Variants in ASCC3 observed in about 807,000 individuals in gnomAD.
ASCC3 encodes the protein activating signal cointegrator 1 complex subunit 3.
ASCC3 carries 158 observed loss-of-function variants against 256.3 expected under a neutral mutation model. The ratio of observed to expected loss-of-function variants is 0.62; its 90% CI spans 0.54 to 0.70. ASCC3 has a LOEUF of 0.70. ASCC3 is among the 30% of genes least tolerant of loss of function. ASCC3 has a pLI of 0.00. For missense variants in ASCC3, 2,259 were observed against 2,626.0 expected (o/e 0.86, Z 3.05); for synonymous variants, 948 against 883.4 (o/e 1.07, Z -1.30).
intron 13 of ASCC3, among the ~76,000 whole-genome samples, chr6:100,686,082 A>C (rs1487579111): frequency 6.6e-6 from 1 of 152,210 alleles, no homozygotes; most frequent in African/African-American, 2.4e-5. Context: ...AATCAAACAC[A>C]CTAGCCCATC....
At chr6:100,642,434 T>C (rs1775170895) in intron 24 of ASCC3, 147 bp downstream of exon 24, 1 of 837,502 alleles carries the variant, frequency 1.2e-6, no homozygotes, top group Admixed American at 2.2e-5. Flanking sequence ...GATTAAATGA[T>C]GAATGACAAA....
chr6:100,586,739 C>T (rs1190485744), intron 36 of ASCC3, among the ~76,000 whole-genome samples: 3 of 152,086 alleles, frequency 2.0e-5, no homozygotes, highest in Admixed American at 2.0e-4. Flanking sequence ...CCTCCCCCTA[C>T]ATCAGATCCT....
At chr6:100,546,720 T>C (rs936229267) in intron 36 of ASCC3, among the ~76,000 whole-genome samples, 15 of 152,170 alleles carry the variant, frequency 9.9e-5, no homozygotes, top group Admixed American at 9.2e-4. Flanking sequence ...TAAAGCTGAA[T>C]TGCTGAAACT....
At chr6:100,690,064 T>C (rs906408191) in intron 13 of ASCC3, among the ~76,000 whole-genome samples, 3 of 152,118 alleles carry the variant, frequency 2.0e-5, no homozygotes, top group African/African-American at 7.2e-5. Context: ...CAGTCTTCCC[T>C]TGGTATCCAT....
chr6:100,742,776 C>G (rs1338473117), intron 10 of ASCC3, among the ~76,000 whole-genome samples: 1 of 152,214 alleles, frequency 6.6e-6, no homozygotes, highest in Admixed American at 6.5e-5. Context: ...CCCCATCCTC[C>G]TCACCCTAGA....
At chr6:100,758,061 C>A (rs1781265385) in intron 10 of ASCC3, among the ~76,000 whole-genome samples, 1 of 151,864 alleles carries the variant, frequency 6.6e-6, no homozygotes, top group African/African-American at 2.4e-5. Flanking sequence ...ACCATCCCAC[C>A]CAGGAGATTT....
chr6:100,595,254 A>C (rs951178101), intron 34 of ASCC3, among the ~76,000 whole-genome samples: 1 of 152,164 alleles, frequency 6.6e-6, no homozygotes, highest in African/African-American at 2.4e-5. Context: ...TATGTTAATT[A>C]GCCTGATTTG....
At chr6:100,540,445 CT>C in intron 36 of ASCC3, 58 bp from the exon 37 acceptor site, 1 of 1,344,780 alleles carries the variant, frequency 7.4e-7, no homozygotes, top group Non-Finnish European at 1.0e-6. Context: ...TAATGTACTT[CT>C]TAGCTTTACT....
intron 33 of ASCC3, among the ~76,000 whole-genome samples, chr6:100,604,527 A>G (rs1420387931): frequency 6.6e-6 from 1 of 151,750 alleles, no homozygotes; most frequent in Admixed American, 6.6e-5. Flanking sequence ...GTTACAACAC[A>G]TGTACCTCAA....
intron 13 of ASCC3, among the ~76,000 whole-genome samples, chr6:100,686,049 A>G (rs1239689685): frequency 6.6e-6 from 1 of 152,228 alleles, no homozygotes; most frequent in Admixed American, 6.5e-5. Flanking sequence ...ATGTGTCTTA[A>G]GTAAATATAA....
rs139336682 is a variant in ASCC3 at position 100,579,708 on chromosome 6, C to T, written c.5550+9926G>A. On this transcript the variant is annotated intron_variant, in intron 36 of 41. Coordinates refer to ENST00000369162, the MANE Select transcript of ASCC3 (RefSeq NM_006828.4). Reference sequence around the variant, plus strand: ...GTCTATGTCTGTTTTTCTGCTAGCACCATGCTGTTTTGGTTACTGTAGCCT... The same window carrying T: ...GTCTATGTCTGTTTTTCTGCTAGCATCATGCTGTTTTGGTTACTGTAGCCT... 1.9e-3 allele frequency among the ~76,000 whole-genome samples: 287 copies of T among 152,206 alleles called. 3 individuals are homozygous for T. The highest frequency in any genetic ancestry group is 6.4e-3 in the African/African-American group (265 of 41,530).
intron 8 of ASCC3, among the ~76,000 whole-genome samples, chr6:100,779,336 TC>T (rs1419004704): frequency 1.3e-5 from 2 of 152,126 alleles, no homozygotes; most frequent in Non-Finnish European, 2.9e-5. Context: ...CATGTGATCC[TC>T]CTGCCTCAGC....
chr6:100,880,935 T>G (rs1360227611), intron 1 of ASCC3, 126 bp downstream of exon 1: 1 of 152,186 alleles, frequency 6.6e-6, no homozygotes. Context: ...GGTCGGGACT[T>G]GCCCCGGAGG....
At chr6:100,566,099 A>G (rs1770230543) in intron 36 of ASCC3, among the ~76,000 whole-genome samples, 1 of 152,154 alleles carries the variant, frequency 6.6e-6, no homozygotes, top group Non-Finnish European at 1.5e-5. Context: ...ATAAACTTAA[A>G]CCAAAACACA....
chr6:100,714,555 T>G (rs1265826079), intron 13 of ASCC3, among the ~76,000 whole-genome samples: 3 of 152,122 alleles, frequency 2.0e-5, no homozygotes, highest in African/African-American at 7.2e-5. Context: ...ACCTGCCTCA[T>G]AGGTTGCAGA....
intron 13 of ASCC3, among the ~76,000 whole-genome samples, chr6:100,704,365 A>C (rs1778485780): frequency 6.6e-6 from 1 of 152,034 alleles, no homozygotes; most frequent in Non-Finnish European, 1.5e-5. Context: ...TTCACAAATA[A>C]AAGTCATGCG....
chr6:100,549,660 G>C (rs1364501365), intron 36 of ASCC3, among the ~76,000 whole-genome samples: 1 of 151,628 alleles, frequency 6.6e-6, no homozygotes, highest in Non-Finnish European at 1.5e-5. Flanking sequence ...TATTTTCCCA[G>C]CCTTGCCAAC....
At chr6:100,745,954 CATAG>C (rs903206936) in intron 10 of ASCC3, among the ~76,000 whole-genome samples, 6 of 151,812 alleles carry the variant, frequency 4.0e-5, no homozygotes, top group Non-Finnish European at 8.8e-5. Flanking sequence ...TATCTATCGA[CATAG>C]ATAGGCGTTC....
At chr6:100,812,457 C>T (rs1254628928) in intron 4 of ASCC3, among the ~76,000 whole-genome samples, 1 of 150,962 alleles carries the variant, frequency 6.6e-6, no homozygotes, top group Non-Finnish European at 1.5e-5. Flanking sequence ...AAGAAATAAA[C>T]ACAAGTCCAA....
Sources: allele counts gnomAD v4.1 joint callset (sites outside exome capture counted in the v4.1 genomes callset), GRCh38; gene constraint gnomAD v4.1.1; transcripts MANE v1.5; gene names NCBI Gene and HGNC (gene_info 2026-07-23, HGNC 2026-07-21).